Variants in BCO1 observed in about 807,000 individuals in gnomAD.
The protein encoded by BCO1 is beta,beta-carotene 15,15'-dioxygenase.
A neutral mutation model predicts 56.3 loss-of-function variants in BCO1; 54 were observed. The ratio of observed to expected loss-of-function variants is 0.96; its 90% CI spans 0.77 to 1.20. The LOEUF is 1.20. Ranked by LOEUF, BCO1 falls within the 50% of genes most tolerant of loss-of-function variation. The pLI is 0.00. For synonymous variants in BCO1, 318 were observed against 266.1 expected (o/e 1.20, Z -1.90); for missense variants, 801 against 690.9 (o/e 1.16, Z -1.79).
chr16:81,269,065 C>CTT (rs71146003), intron 6 of BCO1, among the ~76,000 whole-genome samples: 1,420 of 82,790 alleles, frequency 0.017, 38 homozygotes, highest in African/African-American at 0.033. Flanking sequence ...TGCACCTGGT[C>CTT]TTTTTTTTTT....
intron 1 of BCO1, among the ~76,000 whole-genome samples, chr16:81,244,930 G>A (rs1477560595): frequency 1.3e-5 from 2 of 151,934 alleles, no homozygotes; most frequent in East Asian, 3.9e-4. Context: ...CGCTCTTGTT[G>A]CCCAGACTTT....
At chr16:81,268,330 G>A (rs1257102045) in intron 6 of BCO1, among the ~76,000 whole-genome samples, 199 bp downstream of exon 6, 4 of 152,210 alleles carry the variant, frequency 2.6e-5, no homozygotes, top group Non-Finnish European at 5.9e-5. Context: ...CCCCCACGGT[G>A]ATGAGTTATT....
intron 10 of BCO1, among the ~76,000 whole-genome samples, chr16:81,289,171 C>G (rs539346739): frequency 5.3e-5 from 8 of 152,328 alleles, no homozygotes; most frequent in African/African-American, 1.7e-4. Context: ...CTCAACTGCT[C>G]TTCCACCTGG....
chr16:81,248,627 A>C (rs1905579069), intron 2 of BCO1, among the ~76,000 whole-genome samples: 1 of 152,144 alleles, frequency 6.6e-6, no homozygotes, highest in Non-Finnish European at 1.5e-5. Context: ...TGACAGCACT[A>C]AATCTTAATG....
intron 2 of BCO1, among the ~76,000 whole-genome samples, chr16:81,257,652 G>T (rs1906225393): frequency 6.6e-6 from 1 of 151,874 alleles, no homozygotes; most frequent in Admixed American, 6.6e-5. Context: ...GAGGCAGGTG[G>T]GTCTCCTGTG....
At chr16:81,276,617 A>G (rs1311420627) in intron 7 of BCO1, among the ~76,000 whole-genome samples, 2 of 152,330 alleles carry the variant, frequency 1.3e-5, no homozygotes, top group South Asian at 2.1e-4. Context: ...GGGGTTCTCA[A>G]TTCACAGTCA....
chr16:81,274,207 C>T (rs1183698639), intron 7 of BCO1, among the ~76,000 whole-genome samples: 4 of 150,516 alleles, frequency 2.7e-5, no homozygotes, highest in African/African-American at 7.3e-5. Context: ...TTGTCATGCT[C>T]GAGAATGCTT....
chr16:81,252,825 G>A (rs1352237756), intron 2 of BCO1, among the ~76,000 whole-genome samples: 1 of 152,176 alleles, frequency 6.6e-6, no homozygotes, highest in Non-Finnish European at 1.5e-5. Flanking sequence ...CGAAGTGCAT[G>A]CTGGGAGTCA....
intron 5 of BCO1, among the ~76,000 whole-genome samples, chr16:81,267,159 G>A (rs568575438): frequency 2.6e-5 from 4 of 152,232 alleles, no homozygotes; most frequent in South Asian, 2.1e-4. Context: ...TATGAGAGTC[G>A]TAATCCCTGA....
At chr16:81,271,227 G>A (rs1002032164) in intron 7 of BCO1, among the ~76,000 whole-genome samples, 1 of 151,852 alleles carries the variant, frequency 6.6e-6, no homozygotes, top group Non-Finnish European at 1.5e-5. Flanking sequence ...CGGTTCTCCT[G>A]CCTCGGCCTC....
intron 7 of BCO1, among the ~76,000 whole-genome samples, chr16:81,276,226 C>T (rs1020223908): frequency 1.3e-5 from 2 of 152,226 alleles, no homozygotes; most frequent in Admixed American, 6.5e-5. Context: ...GGGGCCCCTG[C>T]TCTGGGTTTG....
chr16:81,287,399 G>C lies in BCO1; in HGVS notation c.1407G>C (p.Glu469Asp). Residue 469 changes from glutamate (E) to aspartate (D), a missense_variant, in exon 10 of 11, where the codon GAG becomes GAC. Glu to Asp is a conservative substitution (Grantham distance 45). Transcript: ENST00000258168. ...LFVPAPGAKD[E>D]DDGVILSAIV... ...TGCCCGCGCCAGGTGCCAAGGATGA[G>C]GATGACGGTAAGACTCTAAGAAGCC... 1 of 1,613,568 alleles carries C rather than the reference G, an allele frequency of 6.2e-7. No homozygotes were observed. Among genetic ancestry groups the C allele is most frequent in the Non-Finnish European group, 8.5e-7 (1 of 1,179,718 alleles).
intron 2 of BCO1, among the ~76,000 whole-genome samples, chr16:81,259,397 G>C (rs1159019622): frequency 6.6e-6 from 1 of 152,160 alleles, no homozygotes; most frequent in Non-Finnish European, 1.5e-5. Flanking sequence ...AGGAGGCTGA[G>C]TCAGGAGAAT....
intron 8 of BCO1, among the ~76,000 whole-genome samples, chr16:81,281,414 C>A (rs1486566505): frequency 6.6e-6 from 1 of 152,118 alleles, no homozygotes; most frequent in African/African-American, 2.4e-5. Context: ...CTATTGTACT[C>A]CAGCCTGGGC....
rs768088093 is a variant in BCO1 at position 81,270,356 on chromosome 16, C to T, written c.1041C>T (p.Asn347=). ...LANLNQDFKE[N]SRLTSVPTLR... is the part of the protein sequence containing the mutation. ...ACCTGAACCAGGACTTCAAGGAGAA[C>T]TCCAGGCTCACCTCGGTCCCCACCC... The change falls in exon 7 of 11, where the codon AAC becomes AAT. Residue 347 remains asparagine (N), a synonymous_variant. Transcript: ENST00000258168. The T allele has an allele frequency of 3.1e-6, 5 of 1,614,122 alleles. No individual in the cohort carries two copies. In the East Asian group the frequency reaches 1.1e-4, roughly 36 times the overall value.
At chr16:81,251,787 A>G (rs1462911516) in intron 2 of BCO1, among the ~76,000 whole-genome samples, 1 of 151,384 alleles carries the variant, frequency 6.6e-6, no homozygotes, top group East Asian at 1.9e-4. Context: ...AGGCAAAGTC[A>G]TTGTCCCACC....
In BCO1 at chr16:81,259,709, G is replaced by A; in HGVS notation, c.227G>A (p.Ser76Asn). ...EVYYRSKYLRSDTYNTNIEAN... is the reference protein window; with the variant it reads ...EVYYRSKYLRNDTYNTNIEAN... ...TATTACAGGAGCAAATACCTGAGAA[G>A]CGATACCTACAACACCAATATTGAG... is the stretch of plus-strand genomic sequence containing the variant. Residue 76 changes from serine to asparagine, a missense_variant, in exon 3 of 11, where the codon AGC becomes AAC. Ser to Asn is a conservative substitution (Grantham distance 46). Transcript: ENST00000258168. The A allele has an allele frequency of 2.5e-6, 4 of 1,614,218 alleles. No individual in the cohort carries two copies. Among genetic ancestry groups the A allele is most frequent in the Non-Finnish European group, 3.4e-6 (4 of 1,180,038 alleles).
At chr16:81,270,863 G>A (rs1178146357) in intron 7 of BCO1, among the ~76,000 whole-genome samples, 2 of 151,976 alleles carry the variant, frequency 1.3e-5, no homozygotes, top group African/African-American at 4.8e-5. Flanking sequence ...TCCTGCCTCA[G>A]CCTCTGGAGT....
Position 81,267,439 on chromosome 16 carries a change from C to A in BCO1, c.620-469C>A, listed in dbSNP as rs545256387. Among the ~76,000 whole-genome samples, 41 of 152,306 alleles carry A rather than the reference C, an allele frequency of 2.7e-4. 1 individual carries two copies. The highest frequency in any genetic ancestry group is 2.2e-3 in the Admixed American group (33 of 15,298). On this transcript the variant is annotated intron_variant, in intron 5 of 10. Transcript: ENST00000258168. ...AACAGCCTGGCCAACATGGCAAAACCCCATCTCTACTAAAAATGCAAAAAT... is the reference window on the plus strand; with the variant it reads ...AACAGCCTGGCCAACATGGCAAAACACCATCTCTACTAAAAATGCAAAAAT...
Sources: allele counts gnomAD v4.1 joint callset (sites outside exome capture counted in the v4.1 genomes callset), GRCh38; gene constraint gnomAD v4.1.1; transcripts MANE v1.5; gene names NCBI Gene and HGNC (gene_info 2026-07-23, HGNC 2026-07-21).